The following PCBP2 variants were observed in gnomAD, a reference collection of about 807,000 sequenced individuals.
The protein encoded by PCBP2 is poly(rC)-binding protein 2.
In PCBP2, 4 loss-of-function variants were observed where a neutral mutation model predicts 50.1. The ratio of observed to expected loss-of-function variants is 0.08; its 90% CI spans 0.04 to 0.18. The LOEUF (loss-of-function observed/expected upper bound fraction) is 0.18, where lower values mean the gene tolerates loss of function less well. Ranked by LOEUF, PCBP2 falls within the 10% of genes least tolerant of loss-of-function variation. The probability of loss-of-function intolerance (pLI) is 1.00; values close to 1 mark genes in which losing one functional copy is unlikely to be tolerated. For missense variants in PCBP2, 161 were observed against 474.3 expected, an observed-to-expected ratio of 0.34 and a Z score of 6.14; for synonymous variants, 179 against 168.0, an observed-to-expected ratio of 1.07 and a Z score of -0.51.
chr12:53,472,005 G>GC (rs1565871299), intron 14 of PCBP2, among the ~76,000 whole-genome samples, 198 bp downstream of exon 14: 3 of 46,546 alleles, frequency 6.4e-5, no homozygotes, highest in East Asian at 3.2e-4. Context: ...AGGGGTTGGT[G>GC]GGGGGGGGAG....
At chr12:53,476,932 G>A (rs1275535891) in intron 14 of PCBP2, among the ~76,000 whole-genome samples, 1 of 152,178 alleles carries the variant, frequency 6.6e-6, no homozygotes, top group Non-Finnish European at 1.5e-5. Flanking sequence ...TTCTTGATTG[G>A]AAGGCCTCTT....
At chr12:53,453,314 C>T (rs1198101487) in intron 1 of PCBP2, 1 of 151,624 alleles carries the variant, frequency 6.6e-6, no homozygotes, top group Non-Finnish European at 1.5e-5. Context: ...GTCTTTACCA[C>T]ATCTTATTAA....
At chr12:53,455,421 A>C in intron 3 of PCBP2, 40 bp from the exon 4 acceptor site, 1 of 1,614,000 alleles carries the variant, frequency 6.2e-7, no homozygotes, top group Non-Finnish European at 8.5e-7. Flanking sequence ...TTCTGGATTG[A>C]AGTAGCAGTT....
chr12:53,468,867 G>T, intron 13 of PCBP2, 35 bp downstream of exon 13: 2 of 1,358,362 alleles, frequency 1.5e-6, no homozygotes, highest in Non-Finnish European at 1.0e-6. Flanking sequence ...ATGAAAATAA[G>T]AAAATAGACT....
chr12:53,455,445 G>C lies in PCBP2; in HGVS notation c.94-16G>C. 6.2e-7 allele frequency: 1 copy of C among 1,614,058 alleles called. No homozygotes were observed. On this transcript the variant is annotated splice_polypyrimidine_tract_variant and intron_variant, in intron 3 of 14. Transcript: ENST00000546463. Reference sequence around the variant, plus strand: ...GAAGTAGCAGTTGGAGCTCATGCTTGACTTTTCCTTTACAGAAAGGAGAAT... The same window carrying C: ...GAAGTAGCAGTTGGAGCTCATGCTTCACTTTTCCTTTACAGAAAGGAGAAT...
At chr12:53,464,100 G>T (rs1941640022) in intron 8 of PCBP2, among the ~76,000 whole-genome samples, 1 of 152,188 alleles carries the variant, frequency 6.6e-6, no homozygotes, top group Admixed American at 6.5e-5. Context: ...CAAAGGCCCA[G>T]AGTCAGTGTC....
chr12:53,471,923 G>T, intron 14 of PCBP2, 116 bp downstream of exon 14: 2 of 652,576 alleles, frequency 3.1e-6, no homozygotes, highest in Non-Finnish European at 4.4e-6. Context: ...ATGGCCAAAA[G>T]GTTTTTTTTT....
At chr12:53,471,217 C>T (rs941714645) in intron 13 of PCBP2, among the ~76,000 whole-genome samples, 1 of 150,966 alleles carries the variant, frequency 6.6e-6, no homozygotes, top group African/African-American at 2.4e-5. Context: ...GGCTGAGATT[C>T]GAAAATGGCT....
At position 53,481,158 on chromosome 12, in the gene PCBP2, A is replaced by G. The variant is rs763809039; in HGVS notation, c.*1716A>G. ...ATATAATTTATATAAATATTTCTCT[A>G]TGTACAAGGAATACGAGTGGCTTTC... On this transcript the variant is annotated 3_prime_UTR_variant, in exon 15 of 15. Coordinates refer to ENST00000546463, the MANE Select transcript of PCBP2 (RefSeq NM_031989.5). 1.0e-5 allele frequency: 12 copies of G among 1,189,490 alleles called. No individual in the cohort carries two copies. The highest frequency in any genetic ancestry group is 4.8e-5 in the South Asian group (2 of 41,564). 73.7% of individuals were successfully genotyped at this position (1,189,490 alleles called of 1,614,324 possible).
At chr12:53,475,404 G>C (rs977536453) in intron 14 of PCBP2, 10 of 332,864 alleles carry the variant, frequency 3.0e-5, no homozygotes, top group South Asian at 1.9e-4. Context: ...CTGAGTGCCT[G>C]TTTCAGGGTC....
In PCBP2 at chr12:53,459,412, CTT is replaced by C. The variant is rs752112988; in HGVS notation, c.375+12_375+13del. ...TCAAGGAAATACGAGAGGTTAGTGA[CTT>C]TTGTCGTCCTTTTAGAAATGTTAAC... On this transcript the variant is annotated intron_variant, in intron 6 of 14. Coordinates refer to ENST00000546463, the MANE Select transcript of PCBP2 (RefSeq NM_031989.5). 1.2e-5 allele frequency: 19 copies of C among 1,605,990 alleles called. 1 individual carries two copies. The highest frequency in any genetic ancestry group is 2.2e-5 in the East Asian group (1 of 44,646).
intron 10 of PCBP2, 115 bp from the exon 11 acceptor site, chr12:53,467,106 G>A: frequency 1.4e-6 from 1 of 718,614 alleles, no homozygotes; most frequent in Non-Finnish European, 2.5e-6. Flanking sequence ...CTCTGTTGTA[G>A]TTTGAGTAGT....
chr12:53,462,647 C>A, intron 8 of PCBP2, 80 bp downstream of exon 8: 1 of 1,128,800 alleles, frequency 8.9e-7, no homozygotes, highest in South Asian at 1.4e-5. Context: ...CACACCAAGC[C>A]ACTCTGCATG....
intron 14 of PCBP2, among the ~76,000 whole-genome samples, chr12:53,473,496 C>T (rs530728333): frequency 1.3e-5 from 2 of 152,322 alleles, no homozygotes; most frequent in South Asian, 2.1e-4. Context: ...TAGGCTTGCC[C>T]TTCATGTAAT....
At position 53,468,917 on chromosome 12, in the gene PCBP2, C is replaced by CTTTTTT. The variant is rs5798266; in HGVS notation, c.882+99_882+104dup. 57 of 574,494 alleles carry CTTTTTT rather than the reference C, an allele frequency of 9.9e-5. 1 individual carries two copies. The highest frequency in any genetic ancestry group is 7.1e-4 in the East Asian group (21 of 29,422). 35.6% of individuals were successfully genotyped at this position (574,494 alleles called of 1,614,324 possible). A position where few individuals can be genotyped will look rare whatever the true frequency, so the allele number is the denominator to read the frequency against. On this transcript the variant is annotated intron_variant, in intron 13 of 14. Coordinates refer to ENST00000546463, the MANE Select transcript of PCBP2 (RefSeq NM_031989.5). Reference sequence around the variant, plus strand: ...GTCGTTTCAGCAGTGTCCTGCTACCCTTTTTTTTTTTTTTTTTTTAAACAG... The same window carrying CTTTTTT: ...GTCGTTTCAGCAGTGTCCTGCTACCCTTTTTTTTTTTTTTTTTTTTTTTTTAAACAG...
intron 1 of PCBP2, among the ~76,000 whole-genome samples, chr12:53,454,136 G>A (rs1006188645): frequency 3.3e-5 from 5 of 152,192 alleles, no homozygotes; most frequent in Admixed American, 1.3e-4. Flanking sequence ...AGCCTGCGTG[G>A]AAGGCATCTC....
chr12:53,462,518 C>T lies in PCBP2; in HGVS notation c.530C>T (p.Pro177Leu), dbSNP rs1941517018. 1 of 1,613,220 alleles carries T rather than the reference C, an allele frequency of 6.2e-7. No individual in the cohort carries two copies. The highest frequency in any genetic ancestry group is 8.5e-7 in the Non-Finnish European group (1 of 1,179,358). ...LESPPKGVTI[P>L]YRPKPSSSPV... ...TCCCCCCCGAAGGGCGTGACCATCC[C>T]GTACCGGCCCAAGCCGTCCAGCTCT... is the stretch of plus-strand genomic sequence containing the variant. The change falls in exon 8 of 15, where the codon CCG becomes CTG. Residue 177 changes from proline (P) to leucine (L), a missense_variant. Transcript: ENST00000546463.
intron 8 of PCBP2, among the ~76,000 whole-genome samples, chr12:53,463,649 G>A (rs907699444): frequency 6.6e-6 from 1 of 152,140 alleles, no homozygotes; most frequent in African/African-American, 2.4e-5. Context: ...TTTCTATGGG[G>A]GGAATCCTAG....
In PCBP2 at chr12:53,466,911, C is replaced by G. The variant is rs575663054; in HGVS notation, c.715-310C>G. Reference sequence around the variant, plus strand: ...GTGCTTGTCCCTGCGGCAACTGTTGCAATGGCTGCAAACTACCTTCATTAA... The same window carrying G: ...GTGCTTGTCCCTGCGGCAACTGTTGGAATGGCTGCAAACTACCTTCATTAA... On this transcript the variant is annotated intron_variant, in intron 10 of 14. Coordinates refer to ENST00000546463, the MANE Select transcript of PCBP2 (RefSeq NM_031989.5). 7.5e-4 allele frequency among the ~76,000 whole-genome samples: 114 copies of G among 152,256 alleles called. 1 individual carries two copies. The highest frequency in any genetic ancestry group is 2.5e-3 in the African/African-American group (105 of 41,544).
Sources: gnomAD v4.1 joint callset for allele counts (sites outside exome capture counted in the v4.1 genomes callset) on GRCh38, gnomAD v4.1.1 for gene constraint, MANE v1.5 for transcripts, NCBI Gene and HGNC (gene_info 2026-07-23, HGNC 2026-07-21) for gene names.